Variants in FUT8 observed in about 807,000 individuals in gnomAD.
The protein encoded by FUT8 is fucosyltransferase 8.
Under a neutral mutation model 71.3 loss-of-function variants are expected in FUT8, and 29 were observed. The ratio of observed to expected loss-of-function variants is 0.41; its 90% confidence interval spans 0.30 to 0.55. The LOEUF is 0.55. Ranked by LOEUF, FUT8 falls within the 20% of genes least tolerant of loss-of-function variation. The pLI is 0.34. For missense variants in FUT8, 544 were observed against 702.1 expected (o/e 0.77, Z 2.55); for synonymous variants, 254 against 239.3 (o/e 1.06, Z -0.57).
the FUT8 span, among the ~76,000 whole-genome samples, chr14:65,376,188 T>A: frequency 6.6e-6 from 1 of 152,310 alleles, no homozygotes; most frequent in East Asian, 1.9e-4. Flanking sequence ...AGAAGAAAAT[T>A]TCTATTTGTC....
chr14:65,600,333 G>A (rs771639510), intron 3 of FUT8, among the ~76,000 whole-genome samples: 9 of 151,978 alleles, frequency 5.9e-5, no homozygotes, highest in Non-Finnish European at 1.2e-4. Flanking sequence ...TTTCCTCCTA[G>A]CTCTAAGTAG....
At chr14:65,696,598 A>G (rs1673405264) in intron 7 of FUT8, among the ~76,000 whole-genome samples, 1 of 151,938 alleles carries the variant, frequency 6.6e-6, no homozygotes, top group African/African-American at 2.4e-5. Context: ...TAGGTTTTAT[A>G]GATTTGTGGT....
the FUT8 span, among the ~76,000 whole-genome samples, chr14:65,369,925 A>G: frequency 3.9e-5 from 6 of 151,944 alleles, no homozygotes; most frequent in East Asian, 1.2e-3. This position sits in a 1 kb window ranked among gnomAD's most constrained non-coding sequence, Gnocchi z 4.6. Flanking sequence ...CACTTTATGG[A>G]CTCGCCCCAA....
At chr14:65,556,966 A>G (rs984038955) in intron 2 of FUT8, among the ~76,000 whole-genome samples, 10 of 152,196 alleles carry the variant, frequency 6.6e-5, no homozygotes, top group African/African-American at 2.4e-4. Flanking sequence ...CAGTCTAGAC[A>G]CTGCTGATTC....
intron 9 of FUT8, among the ~76,000 whole-genome samples, chr14:65,731,232 A>G (rs1895965166): frequency 6.6e-6 from 1 of 152,232 alleles, no homozygotes; most frequent in Non-Finnish European, 1.5e-5. Flanking sequence ...GTAAATTTAG[A>G]TACGTCTCCT....
At chr14:65,675,475 T>G (rs1431629040) in intron 7 of FUT8, among the ~76,000 whole-genome samples, 1 of 152,192 alleles carries the variant, frequency 6.6e-6, no homozygotes, top group African/African-American at 2.4e-5. Context: ...GCCCATTGAT[T>G]GAGGCCAGAC....
chr14:65,545,507 T>C (rs994209387), intron 2 of FUT8, among the ~76,000 whole-genome samples: 2 of 151,962 alleles, frequency 1.3e-5, no homozygotes, highest in Non-Finnish European at 2.9e-5. Flanking sequence ...ATGCTCAATC[T>C]GTTACCTTGT....
upstream of FUT8, chr14:65,411,735 T>C (rs1374656430): frequency 3.4e-6 from 1 of 298,068 alleles, no homozygotes; most frequent in Non-Finnish European, 6.5e-6. Context: ...AGGCTTGGGA[T>C]CTGGGTCCCA....
At chr14:65,395,135 G>C in the FUT8 span, among the ~76,000 whole-genome samples, 2 of 152,206 alleles carry the variant, frequency 1.3e-5, no homozygotes, top group Admixed American at 6.5e-5. Context: ...CCACGGTCTT[G>C]GGCAGCTCTG....
At chr14:65,368,561 C>T in the FUT8 span, among the ~76,000 whole-genome samples, 7 of 129,324 alleles carry the variant, frequency 5.4e-5, 1 homozygote, top group Non-Finnish European at 1.0e-4. Flanking sequence ...CTGGCTCTGT[C>T]GCCAGGCTGG....
intron 6 of FUT8, among the ~76,000 whole-genome samples, chr14:65,631,372 C>A (rs562216381): frequency 7.2e-4 from 109 of 152,122 alleles, no homozygotes; most frequent in African/African-American, 2.6e-3. Context: ...GTTTTAGTTT[C>A]CTTTTTTTTT....
the FUT8 span, among the ~76,000 whole-genome samples, chr14:65,371,587 A>C: frequency 5.3e-5 from 8 of 152,260 alleles, no homozygotes; most frequent in Non-Finnish European, 1.0e-4. Flanking sequence ...CAAATATTCC[A>C]TTCCTCATCA....
chr14:65,696,317 G>C (rs1274280138), intron 7 of FUT8, among the ~76,000 whole-genome samples: 1 of 152,152 alleles, frequency 6.6e-6, no homozygotes, highest in Non-Finnish European at 1.5e-5. Flanking sequence ...AAATACTGCA[G>C]AATGCAGAAT....
At chr14:65,358,963 A>C in the FUT8 span, among the ~76,000 whole-genome samples, 1 of 152,238 alleles carries the variant, frequency 6.6e-6, no homozygotes, top group Admixed American at 6.5e-5. Flanking sequence ...CAACCAGAAC[A>C]CTATGACCAC....
At chr14:65,704,150 C>T (rs998336143) in intron 7 of FUT8, among the ~76,000 whole-genome samples, 9 of 152,132 alleles carry the variant, frequency 5.9e-5, no homozygotes, top group African/African-American at 1.7e-4. Context: ...ACATCTCATT[C>T]GTAACTCCTC....
chr14:65,666,492 A>G (rs984186901), intron 6 of FUT8, among the ~76,000 whole-genome samples: 2 of 152,340 alleles, frequency 1.3e-5, no homozygotes, highest in South Asian at 4.1e-4. Flanking sequence ...GAAGAAATTC[A>G]TACCCTGAAC....
intron 1 of FUT8, among the ~76,000 whole-genome samples, chr14:65,439,701 G>T (rs973977146): frequency 1.3e-5 from 2 of 151,766 alleles, no homozygotes; most frequent in African/African-American, 4.8e-5. Context: ...TGGATGTGGA[G>T]TACTTTTAAA....
the FUT8 span, among the ~76,000 whole-genome samples, chr14:65,371,419 A>G: frequency 3.3e-5 from 5 of 152,250 alleles, no homozygotes; most frequent in Non-Finnish European, 7.3e-5. Flanking sequence ...ATCCCATTCA[A>G]GTTTTAGTAG....
intron 2 of FUT8, among the ~76,000 whole-genome samples, chr14:65,553,491 C>T (rs1304541162): frequency 6.6e-6 from 1 of 151,992 alleles, no homozygotes; most frequent in Non-Finnish European, 1.5e-5. Context: ...TAGATTTCAT[C>T]ATTTCTGGTG....
Sources: allele counts gnomAD v4.1 joint callset (sites outside exome capture counted in the v4.1 genomes callset), GRCh38; gene constraint gnomAD v4.1.1; non-coding constraint Gnocchi (gnomAD v3.1); transcripts MANE v1.5; gene names NCBI Gene and HGNC (gene_info 2026-07-23, HGNC 2026-07-21).